TMEM181: variants seen among roughly 807,000 people sequenced by gnomAD.
The protein encoded by TMEM181 is transmembrane protein 181.
A neutral mutation model predicts 71.9 loss-of-function variants in TMEM181; 39 were observed. The observed-to-expected ratio is 0.54, with a 90% CI of 0.42 to 0.71. TMEM181 has a LOEUF of 0.71. Ranked by LOEUF, TMEM181 falls within the 30% of genes least tolerant of loss-of-function variation. The pLI is 0.00. For synonymous variants in TMEM181, 245 were observed against 228.8 expected (o/e 1.07, Z -0.64); for missense variants, 595 against 583.0 (o/e 1.02, Z -0.21).
chr6:158,588,688 TC>T (rs1427572733), intron 5 of TMEM181, among the ~76,000 whole-genome samples: 2 of 152,238 alleles, frequency 1.3e-5, no homozygotes, highest in South Asian at 2.1e-4. Flanking sequence ...CCTCAAGTGA[TC>T]CGCCTGCCTT....
chr6:158,588,677 G>C (rs185151308), intron 5 of TMEM181, among the ~76,000 whole-genome samples: 500 of 152,312 alleles, frequency 3.3e-3, no homozygotes, highest in African/African-American at 0.011. Flanking sequence ...TCTTGAACTA[G>C]CCTCAAGTGA....
At chr6:158,593,008 G>T (rs145179020) in intron 6 of TMEM181, among the ~76,000 whole-genome samples, 214 of 151,924 alleles carry the variant, frequency 1.4e-3, no homozygotes, top group Admixed American at 2.2e-3. Context: ...ACACATGAGT[G>T]GGGGGGTGTG....
At chr6:158,536,973 T>C in intron 1 of TMEM181, 1 of 724,948 alleles carries the variant, frequency 1.4e-6, no homozygotes, top group Non-Finnish European at 1.7e-6. Context: ...GACGGCCGCC[T>C]CCGCCGGCCG....
chr6:158,565,620 C>T (rs4709215), intron 1 of TMEM181, among the ~76,000 whole-genome samples: 76,273 of 151,908 alleles, frequency 0.5, 20,380 homozygotes, highest in East Asian at 0.74. Flanking sequence ...TGGAGGAAAA[C>T]AGAAAAAAAC....
chr6:158,605,141 T>TGG, intron 6 of TMEM181, 126 bp from the exon 7 acceptor site: 1 of 508,034 alleles, frequency 2.0e-6, no homozygotes, highest in Non-Finnish European at 3.5e-6. Context: ...AGTGTGTGTG[T>TGG]GTGTGTGTGT....
upstream of TMEM181, among the ~76,000 whole-genome samples, chr6:158,556,872 C>T (rs1781908913): frequency 6.6e-6 from 1 of 152,110 alleles, no homozygotes; most frequent in Non-Finnish European, 1.5e-5. Context: ...AAGTGATTCT[C>T]TTGCCTCAGC....
chr6:158,597,545 A>G lies in TMEM181; in HGVS notation c.493-7722A>G, dbSNP rs143288065. ...AGACAGGGTTTTGCTCTGTCACTCA[A>G]TCTAGAGTGCAGTGGCACGATCACA... On this transcript the variant is annotated intron_variant, in intron 6 of 16. Coordinates refer to ENST00000684151, the MANE Select transcript of TMEM181 (RefSeq NM_001376852.1). 6.9e-3 allele frequency among the ~76,000 whole-genome samples: 1,041 copies of G among 151,796 alleles called. 9 individuals are homozygous for G. Among genetic ancestry groups the G allele is most frequent in the Non-Finnish European group, 0.012 (809 of 67,914 alleles).
In TMEM181 at chr6:158,571,484, G is replaced by A. The variant is rs62437803; in HGVS notation, c.9-1936G>A. Among the ~76,000 whole-genome samples the A allele has an allele frequency of 3.4e-4, 38 of 113,276 alleles. 6 individuals are homozygous for A. Among genetic ancestry groups the A allele is most frequent in the South Asian group, 5.1e-4 (2 of 3,894 alleles). The allele number at this position is 113,276 out of a possible 152,430, so 74.3% of individuals were successfully genotyped here. On this transcript the variant is annotated intron_variant, in intron 1 of 16. Transcript: ENST00000684151. The stretch of plus-strand genomic sequence containing the variant: ...GCTGCTAATTTTTGTATTTTTAGTA[G>A]AGACGGGGTTTCATCGTGTTGGCCA...
chr6:158,622,283 A>G (rs948289828), intron 10 of TMEM181, among the ~76,000 whole-genome samples: 5 of 152,208 alleles, frequency 3.3e-5, no homozygotes, highest in African/African-American at 1.2e-4. Flanking sequence ...CTCTTTTTCA[A>G]AATATCCTGT....
At chr6:158,560,054 C>G, upstream of TMEM181, 2 of 985,226 alleles carry the variant, frequency 2.0e-6, no homozygotes, top group Non-Finnish European at 2.4e-6. Context: ...CCGTGAGAGT[C>G]GCTTCCGCGC....
intron 1 of TMEM181, among the ~76,000 whole-genome samples, chr6:158,562,210 CA>C (rs933127126): frequency 1.3e-5 from 2 of 152,024 alleles, no homozygotes; most frequent in African/African-American, 4.8e-5. Context: ...AACTCATCAG[CA>C]AAAAAGGTTA....
intron 2 of TMEM181, among the ~76,000 whole-genome samples, chr6:158,575,172 C>T (rs1783089866): frequency 6.6e-6 from 1 of 152,188 alleles, no homozygotes; most frequent in Non-Finnish European, 1.5e-5. Flanking sequence ...CACCCTGTGG[C>T]CCAGTCATGT....
chr6:158,573,386 C>G (rs542268547), intron 1 of TMEM181, 34 bp from the exon 2 acceptor site: 1 of 1,541,490 alleles, frequency 6.5e-7, no homozygotes, highest in African/African-American at 1.4e-5. Context: ...GGGCCTTCCC[C>G]TGACCGTCCC....
intron 1 of TMEM181, among the ~76,000 whole-genome samples, chr6:158,563,151 G>A (rs1323524286): frequency 1.3e-5 from 2 of 152,162 alleles, no homozygotes; most frequent in African/African-American, 2.4e-5. Context: ...TGTTTTGTTT[G>A]TTTGTATTTT....
intron 1 of TMEM181, among the ~76,000 whole-genome samples, chr6:158,565,776 A>G (rs987287235): frequency 6.6e-6 from 1 of 152,092 alleles, no homozygotes; most frequent in Admixed American, 6.5e-5. Context: ...GAGCCCCTGC[A>G]ATGAAATCCT....
At chr6:158,572,356 A>AG (rs1175338685) in intron 1 of TMEM181, 1 of 455,886 alleles carries the variant, frequency 2.2e-6, no homozygotes, top group African/African-American at 2.0e-5. Flanking sequence ...CCTGTCCCTG[A>AG]GGTGAGGTGC....
intron 1 of TMEM181, among the ~76,000 whole-genome samples, chr6:158,568,169 G>A (rs1782618340): frequency 2.0e-5 from 3 of 152,174 alleles, no homozygotes; most frequent in African/African-American, 7.2e-5. Flanking sequence ...CTGAGATGGT[G>A]CCAGGTTTCA....
At chr6:158,556,097 C>G (rs977196977), upstream of TMEM181, among the ~76,000 whole-genome samples, 8 of 152,210 alleles carry the variant, frequency 5.3e-5, no homozygotes, top group Admixed American at 4.6e-4. Flanking sequence ...GCATGTCTTT[C>G]TACCAACAAG....
At chr6:158,611,343 G>T in intron 10 of TMEM181, 2 of 521,668 alleles carry the variant, frequency 3.8e-6, no homozygotes, top group South Asian at 2.9e-5. Context: ...TTGAACTAGT[G>T]ACAGCCTCTC....
Sources: allele counts gnomAD v4.1 joint callset (sites outside exome capture counted in the v4.1 genomes callset), GRCh38; gene constraint gnomAD v4.1.1; transcripts MANE v1.5; gene names NCBI Gene and HGNC (gene_info 2026-07-23, HGNC 2026-07-21).